The following OGDHL variants were observed in gnomAD, a reference collection of about 807,000 sequenced individuals.
OGDHL encodes the protein 2-oxoglutarate dehydrogenase-like, mitochondrial.
A neutral mutation model predicts 109.6 loss-of-function variants in OGDHL; 79 were observed. The observed-to-expected ratio is 0.72, with a 90% CI of 0.60 to 0.87. OGDHL has a LOEUF of 0.87. Among genes scored for constraint, OGDHL ranks in the 40% least tolerant of loss-of-function variants. The pLI is 0.00. For missense variants in OGDHL, 1,275 were observed against 1,362.2 expected, an observed-to-expected ratio of 0.94 and a Z score of 1.01; for synonymous variants, 528 against 537.2, an observed-to-expected ratio of 0.98 and a Z score of 0.24.
intron 13 of OGDHL, 25 bp downstream of exon 13, chr10:49,744,624 CT>C (rs1554819310): frequency 1.9e-6 from 3 of 1,589,984 alleles, no homozygotes; most frequent in Non-Finnish European, 2.6e-6. Context: ...AGGGGAGTCC[CT>C]CTGAGCCACA....
intron 7 of OGDHL, among the ~76,000 whole-genome samples, chr10:49,750,246 G>C (rs751650821): frequency 9.2e-5 from 14 of 152,200 alleles, no homozygotes; most frequent in Non-Finnish European, 1.9e-4. Flanking sequence ...CTGCACATCT[G>C]CACATGCCCA....
intron 6 of OGDHL, 48 bp from the exon 7 acceptor site, chr10:49,751,033 G>C: frequency 2.0e-6 from 3 of 1,520,382 alleles, no homozygotes; most frequent in Non-Finnish European, 2.7e-6. Context: ...GATGGAGAGG[G>C]AGGGGACTGG....
chr10:49,749,651 G>C, intron 8 of OGDHL, 75 bp downstream of exon 8: 1 of 1,301,424 alleles, frequency 7.7e-7, no homozygotes, highest in Non-Finnish European at 1.1e-6. Flanking sequence ...GGAAGCTCCC[G>C]GCTCAGCCCC....
chr10:49,745,196 G>T, intron 12 of OGDHL, 148 bp downstream of exon 12: 3 of 986,320 alleles, frequency 3.0e-6, no homozygotes, highest in Non-Finnish European at 4.4e-6. Context: ...GGTCCCCTTT[G>T]GTAACTGGGG....
chr10:49,753,872 A>G (rs1842758085), intron 3 of OGDHL, among the ~76,000 whole-genome samples: 1 of 150,386 alleles, frequency 6.6e-6, no homozygotes, highest in Non-Finnish European at 1.5e-5. Context: ...CCTGGGCTAC[A>G]AGGAGAAACT....
At position 49,737,968 on chromosome 10, in the gene OGDHL, G is replaced by C; in HGVS notation, c.2496C>G (p.Ile832Met). The C allele has an allele frequency of 6.2e-7, 1 of 1,614,168 alleles. No homozygotes were observed. Among genetic ancestry groups the C allele is most frequent in the Non-Finnish European group, 8.5e-7 (1 of 1,180,040 alleles). ...ANYFHVLRRQ[I>M]LLPFRKPLII... Reference sequence around the variant, plus strand: ...TCACCGGCTTGCGGAAGGGCAGCAGGATCTGCCGGCGCAGCACGTGGAAGT... The same window carrying C: ...TCACCGGCTTGCGGAAGGGCAGCAGCATCTGCCGGCGCAGCACGTGGAAGT... The change falls in exon 19 of 23, where the codon ATC becomes ATG. Residue 832 changes from isoleucine (I) to methionine (M), a missense_variant. Transcript: ENST00000374103.
At position 49,740,783 on chromosome 10, in the gene OGDHL, A is replaced by T. The variant is rs2132970248; in HGVS notation, c.2067T>A (p.Pro689=). Reference sequence around the variant, plus strand: ...CCTGGTCAGGCCAGAGATGATTCATAGGCACACACGTCCTGCGGTCAACCT... The same window carrying T: ...CCTGGTCAGGCCAGAGATGATTCATTGGCACACACGTCCTGCGGTCAACCT... ...DQEVDRRTCV[P]MNHLWPDQAP... is the part of the protein sequence containing the mutation. The change falls in exon 16 of 23, where the codon CCT becomes CCA. Residue 689 remains proline, a synonymous_variant. Transcript: ENST00000374103. 6.2e-7 allele frequency: 1 copy of T among 1,613,902 alleles called. No individual in the cohort carries two copies. The highest frequency in any genetic ancestry group is 2.2e-5 in the East Asian group (1 of 44,876).
chr10:49,738,248 C>T lies in OGDHL; in HGVS notation c.2334G>A (p.Ser778=), dbSNP rs760087897. 24 of 1,613,056 alleles carry T rather than the reference C, an allele frequency of 1.5e-5. No homozygotes were observed. Among genetic ancestry groups the T allele is most frequent in the East Asian group, 2.2e-5 (1 of 44,870 alleles). ...HGMEGMGPEH[S]SARPERFLQM... is the part of the protein sequence containing the mutation. Reference sequence around the variant, plus strand: ...GCAGGAACCTTTCGGGCCTCGCTGACGAGTGCTCTGGGCCCTGAAAGCAAA... The same window carrying T: ...GCAGGAACCTTTCGGGCCTCGCTGATGAGTGCTCTGGGCCCTGAAAGCAAA... Residue 778 remains serine (S), a synonymous_variant, in exon 18 of 23, where the codon TCG becomes TCA. Coordinates refer to ENST00000374103, the MANE Select transcript of OGDHL (RefSeq NM_018245.3).
chr10:49,753,210 C>CA (rs1842719323), intron 3 of OGDHL, among the ~76,000 whole-genome samples: 1 of 152,114 alleles, frequency 6.6e-6, no homozygotes, highest in South Asian at 2.1e-4. Context: ...GTGAACTACA[C>CA]ATTATCTAAT....
At chr10:49,748,814 T>G (rs1021564584) in intron 8 of OGDHL, among the ~76,000 whole-genome samples, 3 of 146,892 alleles carry the variant, frequency 2.0e-5, no homozygotes, top group South Asian at 2.1e-4. Flanking sequence ...GCAGGAGAGA[T>G]AGTCCTGAGG....
At chr10:49,752,505 T>G (rs551144109) in intron 4 of OGDHL, 133 bp downstream of exon 4, 97 of 775,616 alleles carry the variant, frequency 1.3e-4, no homozygotes, top group Non-Finnish European at 2.1e-4. Flanking sequence ...ACAGGCAAGG[T>G]AGAAAGGAGG....
intron 17 of OGDHL, chr10:49,738,651 CTT>C (rs1241072717): frequency 3.5e-6 from 1 of 282,030 alleles, no homozygotes; most frequent in African/African-American, 2.2e-5. Context: ...TGCAGACACT[CTT>C]CCCCACTGCA....
rs562281972 is a variant in OGDHL, at chr10:49,747,128, C to T, written c.1068G>A (p.Ser356=). The part of the protein sequence containing the change: ...NRVTNRNITL[S]LVANPSHLEA... ...CCAGGTGGGAGGGGTTGGCAACCAG[C>T]GACAGAGTGATGTTCCGGTTGGTGA... is the stretch of plus-strand genomic sequence containing the variant. Residue 356 remains serine (S), a synonymous_variant, in exon 9 of 23, where the codon TCG becomes TCA. Coordinates refer to ENST00000374103, the MANE Select transcript of OGDHL (RefSeq NM_018245.3). 12 of 1,614,164 alleles carry T rather than the reference C, an allele frequency of 7.4e-6. No individual in the cohort carries two copies. The East Asian group carries it at 1.6e-4, about 21-fold the overall frequency.
At chr10:49,747,315 C>T (rs1263580466) in intron 8 of OGDHL, 107 bp from the exon 9 acceptor site, 5 of 1,241,444 alleles carry the variant, frequency 4.0e-6, no homozygotes, top group Non-Finnish European at 5.7e-6. Context: ...TTCCCCCGAT[C>T]CCACTGCCTC....
At chr10:49,742,527 CCACA>C (rs1237869230) in intron 15 of OGDHL, among the ~76,000 whole-genome samples, 2 of 114,912 alleles carry the variant, frequency 1.7e-5, no homozygotes, top group Middle Eastern at 4.3e-3. Context: ...ACCAAACACA[CCACA>C]CACACACACC....
chr10:49,761,442 C>T (rs185502842), intron 1 of OGDHL, among the ~76,000 whole-genome samples: 462 of 152,350 alleles, frequency 3.0e-3, no homozygotes, highest in African/African-American at 0.011. Flanking sequence ...AGAGGGCCCT[C>T]CAAGCTGGGC....
Position 49,751,884 on chromosome 10 carries a change from A to T in OGDHL, c.692T>A (p.Met231Lys). The change falls in exon 6 of 23, where the codon ATG (methionine) becomes AAG (lysine). Residue 231 changes from methionine to lysine, a missense_variant. By Grantham distance (95) the Met-to-Lys change is moderately conservative. Transcript: ENST00000374103. ...IRQKFETPGV[M>K]QFSSEEKRTL... ...CCGCTTCTCCTCGCTGGAGAACTGC[A>T]TCACACCAGGGGTCTCAAACTTCTG... 6.2e-7 allele frequency: 1 copy of T among 1,614,188 alleles called. No homozygotes were observed. Among genetic ancestry groups the T allele is most frequent in the Non-Finnish European group, 8.5e-7 (1 of 1,180,038 alleles).
chr10:49,754,676 G>GGA (rs1842812526), intron 3 of OGDHL, among the ~76,000 whole-genome samples: 1 of 147,604 alleles, frequency 6.8e-6, no homozygotes, highest in East Asian at 2.0e-4. Flanking sequence ...AGCTGATTTT[G>GGA]AAAAAAAAAA....
rs756240631 is a variant in OGDHL, at chr10:49,747,083, C to T, written c.1113G>A (p.Val371=). ...ACTGCTCTGCCTTTGTCTTCCCCTG[C>T]ACCACAGGGTCCACTGCCTCCAGGT... ...PSHLEAVDPV[V]QGKTKAEQFY... is the part of the protein sequence containing the mutation. Residue 371 remains valine, a synonymous_variant, in exon 9 of 23, where the codon GTG becomes GTA. Coordinates refer to ENST00000374103, the MANE Select transcript of OGDHL (RefSeq NM_018245.3). The T allele has an allele frequency of 6.2e-7, 1 of 1,614,104 alleles. No individual in the cohort carries two copies. The highest frequency in any genetic ancestry group is 8.5e-7 in the Non-Finnish European group (1 of 1,180,046).
Sources: gnomAD v4.1 joint callset for allele counts (sites outside exome capture counted in the v4.1 genomes callset) on GRCh38, gnomAD v4.1.1 for gene constraint, MANE v1.5 for transcripts, NCBI Gene and HGNC (gene_info 2026-07-23, HGNC 2026-07-21) for gene names.